The following ROBO1 variants were observed in gnomAD, a reference collection of about 807,000 sequenced individuals.
ROBO1 encodes roundabout guidance receptor 1.
In ROBO1, 149 loss-of-function variants were observed where a neutral mutation model predicts 195.9. The ratio of observed to expected loss-of-function variants is 0.76; its 90% CI spans 0.67 to 0.87. The LOEUF (loss-of-function observed/expected upper bound fraction) is 0.87. ROBO1 is among the 40% of genes least tolerant of loss of function. The probability of loss-of-function intolerance (pLI) is 0.00; values close to 1 mark genes in which losing one functional copy is unlikely to be tolerated. For missense variants in ROBO1, 1,933 were observed against 2,068.3 expected (o/e 0.93, Z 1.27); for synonymous variants, 816 against 733.2 (o/e 1.11, Z -1.82).
chr3:79,053,028 T>C (rs1315030702), intron 3 of ROBO1, among the ~76,000 whole-genome samples: 1 of 152,080 alleles, frequency 6.6e-6, no homozygotes, highest in African/African-American at 2.4e-5. Flanking sequence ...ACACTGTCCT[T>C]GGTTTCCTGA....
chr3:78,812,370 A>C (rs1272390338), intron 4 of ROBO1, among the ~76,000 whole-genome samples: 1 of 152,028 alleles, frequency 6.6e-6, no homozygotes, highest in Non-Finnish European at 1.5e-5. Context: ...GAGTCCTGCC[A>C]TTTACTTTAA....
intron 1 of ROBO1, among the ~76,000 whole-genome samples, chr3:79,722,814 A>G (rs1435995586): frequency 6.6e-6 from 1 of 152,126 alleles, no homozygotes; most frequent in African/African-American, 2.4e-5. Flanking sequence ...AAAAAACAGC[A>G]TCTATATATG....
intron 2 of ROBO1, among the ~76,000 whole-genome samples, chr3:79,352,424 C>T (rs1184540562): frequency 1.3e-5 from 2 of 152,296 alleles, no homozygotes; most frequent in African/African-American, 4.8e-5. Flanking sequence ...AACTATAATG[C>T]ATTATCAAAA....
At chr3:79,447,693 G>A (rs897264739) in intron 2 of ROBO1, among the ~76,000 whole-genome samples, 2 of 149,506 alleles carry the variant, frequency 1.3e-5, no homozygotes, top group African/African-American at 2.6e-5. Context: ...AAAACTAGTC[G>A]CTAAACAAAA....
chr3:78,803,111 C>T (rs1043993498), intron 4 of ROBO1, among the ~76,000 whole-genome samples: 2 of 152,154 alleles, frequency 1.3e-5, no homozygotes, highest in Non-Finnish European at 2.9e-5. Context: ...TGGGCTCGTG[C>T]ATCAGACTTA....
At chr3:78,719,225 C>G (rs2081982857) in intron 5 of ROBO1, among the ~76,000 whole-genome samples, 1 of 152,028 alleles carries the variant, frequency 6.6e-6, no homozygotes, top group Non-Finnish European at 1.5e-5. Context: ...AGAATGACGC[C>G]TGCACGCAGT....
chr3:78,636,147 C>T (rs1705485267), intron 22 of ROBO1, 39 bp from the exon 23 acceptor site: 5 of 1,424,066 alleles, frequency 3.5e-6, no homozygotes, highest in African/African-American at 1.4e-5. Context: ...AATCATTCTG[C>T]GTGGTTATTC....
At chr3:79,286,149 C>A (rs1293577668) in intron 2 of ROBO1, among the ~76,000 whole-genome samples, 1 of 152,146 alleles carries the variant, frequency 6.6e-6, no homozygotes, top group Non-Finnish European at 1.5e-5. Flanking sequence ...CTATAAACAA[C>A]TATAGTTAAT....
chr3:79,108,807 C>T (rs1338567840), intron 3 of ROBO1, among the ~76,000 whole-genome samples: 4 of 151,814 alleles, frequency 2.6e-5, no homozygotes, highest in Non-Finnish European at 5.9e-5. Context: ...TGGCTCAGTA[C>T]AGTTCTTTGT....
intron 9 of ROBO1, among the ~76,000 whole-genome samples, chr3:78,687,378 C>CTAT (rs1266295081): frequency 3.3e-5 from 5 of 151,988 alleles, no homozygotes. Context: ...AAATAAGGGC[C>CTAT]TATATACCAT....
At chr3:79,495,582 G>A (rs1230649909) in intron 2 of ROBO1, among the ~76,000 whole-genome samples, 1 of 152,082 alleles carries the variant, frequency 6.6e-6, no homozygotes, top group Non-Finnish European at 1.5e-5. Context: ...ATATAATTAA[G>A]ACATAAGGGG....
chr3:79,665,109 AATATTTTGC>A (rs1191337828), intron 1 of ROBO1, among the ~76,000 whole-genome samples: 1 of 151,922 alleles, frequency 6.6e-6, no homozygotes, highest in Non-Finnish European at 1.5e-5. Flanking sequence ...ATTTGCGGAA[AATATTTTGC>A]ATATGGTTTA....
chr3:79,565,225 G>A (rs1158239338), intron 2 of ROBO1, among the ~76,000 whole-genome samples: 9 of 151,812 alleles, frequency 5.9e-5, no homozygotes, highest in African/African-American at 7.2e-5. Context: ...AGAACATTAC[G>A]TTTAAAGAAT....
rs889265002 is a variant in ROBO1 at position 79,022,864 on chromosome 3, G to A, written c.173-83937C>T. 1.1e-4 allele frequency among the ~76,000 whole-genome samples: 17 copies of A among 152,212 alleles called. 1 individual carries two copies. The highest frequency in any genetic ancestry group is 5.2e-4 in the Admixed American group (8 of 15,292). ...GAAAATAATAGATTTCAGTAGTCCC[G>A]TGAAGAAGGGCTTTTTGACGGTCAA... is the stretch of plus-strand genomic sequence containing the variant. On this transcript the variant is annotated intron_variant, in intron 3 of 30. Coordinates refer to ENST00000464233, the MANE Select transcript of ROBO1 (RefSeq NM_002941.4).
chr3:79,349,134 A>G (rs1559836346), intron 2 of ROBO1, among the ~76,000 whole-genome samples: 1 of 152,178 alleles, frequency 6.6e-6, no homozygotes, highest in South Asian at 2.1e-4. Context: ...GTATTTTAGG[A>G]TAAGCATTCA....
intron 4 of ROBO1, among the ~76,000 whole-genome samples, chr3:78,829,575 T>C (rs572569960): frequency 6.6e-6 from 1 of 152,210 alleles, no homozygotes; most frequent in South Asian, 2.1e-4. Flanking sequence ...CCCTCCACCA[T>C]GCAACATGAG....
In ROBO1 at chr3:78,717,784, C is replaced by T. The variant is rs2081939384; in HGVS notation, c.757G>A (p.Val253Ile). Reference sequence around the variant, plus strand: ...TTACCTAAGACAGTCAGCTCGGCTACTTCACTCTCACGTTCCCCAACCATA... The same window carrying T: ...TTACCTAAGACAGTCAGCTCGGCTATTTCACTCTCACGTTCCCCAACCATA... ...TNMVGERESE[V>I]AELTVLERPS... is the part of the protein sequence containing the mutation. The change falls in exon 6 of 31, where the codon GTA becomes ATA. Residue 253 changes from valine (V) to isoleucine (I), a missense_variant. This residue lies in a region of ROBO1 where 1,737 missense variants were observed against 1,882.5 expected (regional missense o/e 0.92). Coordinates refer to ENST00000464233, the MANE Select transcript of ROBO1 (RefSeq NM_002941.4). The T allele has an allele frequency of 3.1e-6, 5 of 1,613,518 alleles. No homozygotes were observed. The highest frequency in any genetic ancestry group is 4.2e-6 in the Non-Finnish European group (5 of 1,179,714).
intron 2 of ROBO1, among the ~76,000 whole-genome samples, chr3:79,583,905 A>G (rs550232597): frequency 5.3e-5 from 8 of 152,122 alleles, no homozygotes; most frequent in Non-Finnish European, 8.8e-5. Flanking sequence ...TCTGAAGAAC[A>G]TTTCTATTGA....
rs1180617353 is a variant in ROBO1 at position 79,500,119 on chromosome 3, C to T, written c.88+89705G>A. Among the ~76,000 whole-genome samples, 621 of 72,450 alleles carry T rather than the reference C, an allele frequency of 8.6e-3. 13 individuals carry two copies. The highest frequency in any genetic ancestry group is 0.031 in the African/African-American group (549 of 17,684). 47.5% of individuals were successfully genotyped at this position (72,450 alleles called of 152,430 possible). ...CATCCCATGCGGCAGTAAGTTTTCT[C>T]TTTTTTTTTTTTTTTTTTTTTTTTT... On this transcript the variant is annotated intron_variant, in intron 2 of 30. Transcript: ENST00000464233.
Sources: allele counts gnomAD v4.1 joint callset (sites outside exome capture counted in the v4.1 genomes callset), GRCh38; gene constraint gnomAD v4.1.1; regional missense constraint gnomAD v4.1.1; transcripts MANE v1.5; gene names NCBI Gene and HGNC (gene_info 2026-07-23, HGNC 2026-07-21).